FAM227B: variants seen among roughly 807,000 people sequenced by gnomAD.
The protein encoded by FAM227B is protein FAM227B.
FAM227B carries 88 observed loss-of-function variants against 73.8 expected under a neutral mutation model. That is an observed-to-expected ratio of 1.19 (90% confidence interval 1.00 to 1.42). The LOEUF (loss-of-function observed/expected upper bound fraction) is 1.42, where lower values mean the gene tolerates loss of function less well. FAM227B is among the 40% of genes most tolerant of loss of function. FAM227B has a pLI of 0.00. For missense variants in FAM227B, 632 were observed against 590.9 expected, an observed-to-expected ratio of 1.07 and a Z score of -0.72; for synonymous variants, 210 against 190.5, an observed-to-expected ratio of 1.10 and a Z score of -0.84.
At chr15:49,339,042 A>G (rs1448825285) in intron 13 of FAM227B, among the ~76,000 whole-genome samples, 3 of 151,996 alleles carry the variant, frequency 2.0e-5, no homozygotes, top group Non-Finnish European at 2.9e-5. Context: ...CCTTTTTTCA[A>G]GGTTCTTAGC....
chr15:49,611,587 T>C (rs1029700907), intron 2 of FAM227B, among the ~76,000 whole-genome samples: 16 of 152,226 alleles, frequency 1.1e-4, no homozygotes, highest in Admixed American at 9.2e-4. Flanking sequence ...TGGGCTATCA[T>C]GGATAGCCTC....
At chr15:49,584,959 A>G (rs999489284) in intron 5 of FAM227B, among the ~76,000 whole-genome samples, 1 of 152,200 alleles carries the variant, frequency 6.6e-6, no homozygotes, top group Non-Finnish European at 1.5e-5. Context: ...AAGGGCTAAT[A>G]TCCAGAATCT....
chr15:49,484,769 T>G, intron 11 of FAM227B: 1 of 295,516 alleles, frequency 3.4e-6, no homozygotes, highest in Non-Finnish European at 6.2e-6. Flanking sequence ...ACAATCATGA[T>G]GTTAGTAACA....
In FAM227B at chr15:49,519,561, T is replaced by TA. The variant is rs535289587; in HGVS notation, c.875-11214dup. Among the ~76,000 whole-genome samples, 88 of 152,196 alleles carry TA rather than the reference T, an allele frequency of 5.8e-4. 2 individuals carry two copies. The highest frequency in any genetic ancestry group is 2.0e-3 in the African/African-American group (82 of 41,548). ...GCACCCTCAGGCTCAACACCATGTG[T>TA]AAGCCACCGAGGCTTGCACCCTCTG... is the stretch of plus-strand genomic sequence containing the variant. On this transcript the variant is annotated intron_variant, in intron 10 of 15. Transcript: ENST00000299338.
chr15:49,453,556 C>T (rs111959424), intron 11 of FAM227B, among the ~76,000 whole-genome samples: 3,537 of 152,284 alleles, frequency 0.023, 88 homozygotes, highest in South Asian at 0.13. Context: ...GGCTCTTATG[C>T]AGGACAGTTC....
intron 13 of FAM227B, among the ~76,000 whole-genome samples, chr15:49,362,373 G>T (rs1212199965): frequency 2.0e-5 from 3 of 152,172 alleles, no homozygotes; most frequent in Non-Finnish European, 4.4e-5. Flanking sequence ...GTGATTGTAA[G>T]TTTCCTGAGG....
chr15:49,362,413 C>A (rs907623949), intron 13 of FAM227B, among the ~76,000 whole-genome samples: 1 of 152,188 alleles, frequency 6.6e-6, no homozygotes, highest in Non-Finnish European at 1.5e-5. Context: ...GTTAAACCTG[C>A]AGAACTGTGA....
At chr15:49,550,360 C>T (rs576364866) in intron 9 of FAM227B, among the ~76,000 whole-genome samples, 25 of 141,446 alleles carry the variant, frequency 1.8e-4, no homozygotes, top group East Asian at 1.2e-3. Flanking sequence ...CCCTCCCGGA[C>T]GGGGCGGCTG....
At chr15:49,533,417 G>T (rs1220128425) in intron 10 of FAM227B, among the ~76,000 whole-genome samples, 1 of 151,486 alleles carries the variant, frequency 6.6e-6, no homozygotes, top group Non-Finnish European at 1.5e-5. Flanking sequence ...CAAGTCCTTT[G>T]TTTCCCTACT....
At chr15:49,508,715 G>T (rs2058759144) in intron 10 of FAM227B, among the ~76,000 whole-genome samples, 3 of 152,044 alleles carry the variant, frequency 2.0e-5, no homozygotes, top group Admixed American at 6.6e-5. Context: ...TTCAATGAGG[G>T]TTATTCACTA....
chr15:49,400,540 C>A (rs2048059755), intron 11 of FAM227B, among the ~76,000 whole-genome samples: 1 of 73,086 alleles, frequency 1.4e-5, no homozygotes, highest in African/African-American at 6.6e-5. Context: ...CCCGCATTGC[C>A]AAGTCAATCC....
intron 11 of FAM227B, among the ~76,000 whole-genome samples, chr15:49,392,945 A>C (rs2047313484): frequency 6.6e-6 from 1 of 152,114 alleles, no homozygotes; most frequent in Non-Finnish European, 1.5e-5. Context: ...GCTTGCTTGA[A>C]ACTTTTTGTT....
rs184359072 is a variant in FAM227B, at chr15:49,534,620, G to A, written c.874+7060C>T. Among the ~76,000 whole-genome samples the A allele has an allele frequency of 2.0e-3, 301 of 151,940 alleles. 1 individual carries two copies. Among genetic ancestry groups the A allele is most frequent in the African/African-American group, 6.9e-3 (288 of 41,516 alleles). ...TGCACTGTGATAACAGACATATACA[G>A]ACTATTCCATCCAACAGCAGTAGAT... On this transcript the variant is annotated intron_variant, in intron 10 of 15. Coordinates refer to ENST00000299338, the MANE Select transcript of FAM227B (RefSeq NM_152647.3).
At chr15:49,335,970 C>T (rs1596260854) in intron 13 of FAM227B, among the ~76,000 whole-genome samples, 1 of 152,058 alleles carries the variant, frequency 6.6e-6, no homozygotes, top group Non-Finnish European at 1.5e-5. Context: ...CCTCCTGCCT[C>T]AGCTTCCTGA....
intron 15 of FAM227B, 134 bp downstream of exon 15, chr15:49,331,646 A>C (rs1024758093): frequency 1.6e-6 from 1 of 614,154 alleles, no homozygotes. Context: ...GTAGATGATT[A>C]AGTAACAAGA....
At chr15:49,403,976 T>G (rs2048348384) in intron 11 of FAM227B, among the ~76,000 whole-genome samples, 1 of 152,176 alleles carries the variant, frequency 6.6e-6, no homozygotes, top group Non-Finnish European at 1.5e-5. Flanking sequence ...TCTCATTAAT[T>G]TCAAAGAACT....
chr15:49,414,725 A>G (rs1227058615), intron 11 of FAM227B, among the ~76,000 whole-genome samples: 1 of 152,164 alleles, frequency 6.6e-6, no homozygotes, highest in African/African-American at 2.4e-5. Context: ...TGTGAAAGTG[A>G]TAATTGATAG....
intron 8 of FAM227B, among the ~76,000 whole-genome samples, 191 bp from the exon 9 acceptor site, chr15:49,568,537 G>C (rs1354720682): frequency 6.6e-6 from 1 of 152,004 alleles, no homozygotes; most frequent in East Asian, 1.9e-4. Flanking sequence ...CCCTGGGCAA[G>C]TTAATTAAGT....
At chr15:49,416,929 AG>A (rs759623046) in intron 11 of FAM227B, among the ~76,000 whole-genome samples, 1 of 152,216 alleles carries the variant, frequency 6.6e-6, no homozygotes, top group Non-Finnish European at 1.5e-5. Flanking sequence ...GTTCATGGAT[AG>A]GAAGAATCAA....
Sources: allele counts gnomAD v4.1 joint callset (sites outside exome capture counted in the v4.1 genomes callset), GRCh38; gene constraint gnomAD v4.1.1; transcripts MANE v1.5; gene names NCBI Gene and HGNC (gene_info 2026-07-23, HGNC 2026-07-21).